ARB2A: variants seen among roughly 807,000 people sequenced by gnomAD.
ARB2A encodes cotranscriptional regulator ARB2A.
chr5:93,799,634 A>G, the ARB2A span, among the ~76,000 whole-genome samples: 1 of 152,136 alleles, frequency 6.6e-6, no homozygotes, highest in South Asian at 2.1e-4. Context: ...AACCTATTAT[A>G]AATGGGCTGG....
At chr5:93,912,005 TATACTC>T in the ARB2A span, among the ~76,000 whole-genome samples, 1 of 151,904 alleles carries the variant, frequency 6.6e-6, no homozygotes, top group East Asian at 1.9e-4. Flanking sequence ...CTTCAGCTGT[TATACTC>T]AATAATAAAG....
chr5:93,914,834 A>G, the ARB2A span, among the ~76,000 whole-genome samples: 1 of 151,926 alleles, frequency 6.6e-6, no homozygotes, highest in Non-Finnish European at 1.5e-5. Context: ...AGAACTCGTG[A>G]AAATCTTTCC....
At chr5:93,987,828 T>C in the ARB2A span, among the ~76,000 whole-genome samples, 1 of 152,220 alleles carries the variant, frequency 6.6e-6, no homozygotes, top group East Asian at 1.9e-4. Context: ...ATCAGACTTG[T>C]ATGTATTCAA....
the ARB2A span, among the ~76,000 whole-genome samples, chr5:93,708,623 A>T: frequency 1.3e-5 from 2 of 152,312 alleles, no homozygotes; most frequent in African/African-American, 4.8e-5. Flanking sequence ...GGCGGAGCTC[A>T]GGTGGTAATG....
the ARB2A span, among the ~76,000 whole-genome samples, chr5:93,848,502 T>A: frequency 6.6e-6 from 1 of 152,216 alleles, no homozygotes; most frequent in Non-Finnish European, 1.5e-5. Context: ...TATTATTTTC[T>A]TCTTCTCTTT....
At chr5:94,050,113 T>A in the ARB2A span, among the ~76,000 whole-genome samples, 2 of 152,198 alleles carry the variant, frequency 1.3e-5, no homozygotes, top group Admixed American at 6.5e-5. Flanking sequence ...CTAATTTTTT[T>A]ATTTTTTGTA....
chr5:93,906,879 T>G, the ARB2A span, among the ~76,000 whole-genome samples: 2 of 151,502 alleles, frequency 1.3e-5, no homozygotes, highest in African/African-American at 2.4e-5. Context: ...ACCTGTGAAG[T>G]GCTCTACCTT....
the ARB2A span, among the ~76,000 whole-genome samples, chr5:93,974,956 C>T: frequency 1.3e-5 from 2 of 152,034 alleles, no homozygotes; most frequent in African/African-American, 2.4e-5. Flanking sequence ...GACACATACA[C>T]CTCTGGGATG....
chr5:93,935,331 G>A, the ARB2A span, among the ~76,000 whole-genome samples: 1 of 152,168 alleles, frequency 6.6e-6, no homozygotes, highest in East Asian at 1.9e-4. Flanking sequence ...AAGCTTCCTT[G>A]ATGAGATGGT....
the ARB2A span, among the ~76,000 whole-genome samples, chr5:93,772,199 C>G: frequency 6.6e-6 from 1 of 152,160 alleles, no homozygotes; most frequent in East Asian, 1.9e-4. Flanking sequence ...AGTAAACTAT[C>G]GCAAGAACAA....
At chr5:93,651,020 G>GA in the ARB2A span, among the ~76,000 whole-genome samples, 23 of 151,298 alleles carry the variant, frequency 1.5e-4, no homozygotes, top group Admixed American at 1.2e-3. Context: ...AAAACACATG[G>GA]AAAAAAATAC....
the ARB2A span, chr5:94,055,733 T>C: frequency 1.0e-6 from 1 of 985,472 alleles, no homozygotes; most frequent in Non-Finnish European, 1.2e-6. Context: ...AGCCAGAATG[T>C]TCTCATTTTC....
At chr5:93,839,060 G>A in the ARB2A span, among the ~76,000 whole-genome samples, 2 of 152,068 alleles carry the variant, frequency 1.3e-5, no homozygotes, top group African/African-American at 2.4e-5. Flanking sequence ...ACTCTGGCCA[G>A]GACTTCCAAT....
At chr5:93,987,745 C>T in the ARB2A span, among the ~76,000 whole-genome samples, 1 of 152,160 alleles carries the variant, frequency 6.6e-6, no homozygotes, top group East Asian at 1.9e-4. Flanking sequence ...CTTTTATCTG[C>T]TCTAAAGAAG....
chr5:93,707,217 A>G, the ARB2A span, among the ~76,000 whole-genome samples: 1 of 152,194 alleles, frequency 6.6e-6, no homozygotes, highest in Non-Finnish European at 1.5e-5. Flanking sequence ...ATTTTACTGA[A>G]ATGTAAGGAT....
the ARB2A span, among the ~76,000 whole-genome samples, chr5:93,677,709 G>GT: frequency 6.6e-6 from 1 of 152,210 alleles, no homozygotes; most frequent in Admixed American, 6.5e-5. Flanking sequence ...ATGATGTTCA[G>GT]TTTTTTAATT....
chr5:93,661,234 T>C, the ARB2A span, among the ~76,000 whole-genome samples: 1 of 152,140 alleles, frequency 6.6e-6, no homozygotes, highest in African/African-American at 2.4e-5. Context: ...TGGGAGCATA[T>C]GCTAGCAGCA....
At chr5:93,637,878 C>T in the ARB2A span, among the ~76,000 whole-genome samples, 2 of 152,156 alleles carry the variant, frequency 1.3e-5, no homozygotes, top group East Asian at 3.8e-4. Flanking sequence ...TCCTTTATTT[C>T]GACCTTTGGA....
the ARB2A span, among the ~76,000 whole-genome samples, chr5:94,000,709 T>C: frequency 6.6e-6 from 1 of 152,120 alleles, no homozygotes; most frequent in Non-Finnish European, 1.5e-5. Flanking sequence ...TGGTGTTGCA[T>C]CTAAAAAGTC....
Sources: allele counts gnomAD v4.1 joint callset (sites outside exome capture counted in the v4.1 genomes callset), GRCh38; gene constraint gnomAD v4.1.1; transcripts MANE v1.5; gene names NCBI Gene and HGNC (gene_info 2026-07-23, HGNC 2026-07-21).